The following DNAAF8 variants were observed in gnomAD, a reference collection of about 807,000 sequenced individuals.
DNAAF8 encodes dynein axonemal assembly factor 8.
A neutral mutation model predicts 54.6 loss-of-function variants in DNAAF8; 61 were observed. The observed-to-expected ratio is 1.12, with a 90% CI of 0.91 to 1.38. The LOEUF (loss-of-function observed/expected upper bound fraction) is 1.38, where lower values mean the gene tolerates loss of function less well. Among genes scored for constraint, DNAAF8 ranks in the 40% most tolerant of loss-of-function variants. The pLI, the probability that DNAAF8 is intolerant of heterozygous loss-of-function variation, is 0.00. For missense variants in DNAAF8, 837 were observed against 665.0 expected (o/e 1.26, Z -2.85); for synonymous variants, 320 against 270.1 (o/e 1.18, Z -1.81).
Position 4,748,978 on chromosome 16 carries a change from T to C in DNAAF8, c.*263T>C, listed in dbSNP as rs1212008838. The C allele has an allele frequency of 6.6e-6, 1 of 152,304 alleles. No individual in the cohort carries two copies. The highest frequency in any genetic ancestry group is 1.5e-5 in the Non-Finnish European group (1 of 68,076). 9.4% of individuals were successfully genotyped at this position (152,304 alleles called of 1,614,324 possible). On this transcript the variant is annotated 3_prime_UTR_variant, in exon 10 of 10. Transcript: ENST00000299320. ...TGGCCGCCAAGATCAGGGCTACAGATGTCTGCTCTCTGGACCCCACGTGAT... is the reference window on the plus strand; with the variant it reads ...TGGCCGCCAAGATCAGGGCTACAGACGTCTGCTCTCTGGACCCCACGTGAT...
intron 3 of DNAAF8, among the ~76,000 whole-genome samples, chr16:4,739,262 C>CTTTTTTTTTTTTTTTTTTTTTTT (rs1596482355): frequency 8.3e-5 from 3 of 36,238 alleles, no homozygotes; most frequent in South Asian, 8.9e-4. Flanking sequence ...ATGATTTTTT[C>CTTTTTTTTTTTTTTTTTTTTTTT]TTGTTTTTTT....
At chr16:4,744,631 C>A (rs939556756) in intron 5 of DNAAF8, among the ~76,000 whole-genome samples, 1 of 90,196 alleles carries the variant, frequency 1.1e-5, no homozygotes, top group African/African-American at 3.4e-5. Context: ...TACGTCACTC[C>A]TACTTCACCA....
At chr16:4,746,214 G>C (rs1250428954) in intron 6 of DNAAF8, 161 bp from the exon 7 acceptor site, 4 of 743,330 alleles carry the variant, frequency 5.4e-6, no homozygotes, top group African/African-American at 1.8e-5. Flanking sequence ...CTCGCATGCT[G>C]TTCTGAAGAG....
chr16:4,747,247 G>A (rs1191824241), intron 8 of DNAAF8, 96 bp from the exon 9 acceptor site: 69 of 1,419,228 alleles, frequency 4.9e-5, no homozygotes, highest in Non-Finnish European at 6.5e-5. Flanking sequence ...TCTGAAATGG[G>A]AGCTGGGCTC....
intron 6 of DNAAF8, 188 bp from the exon 7 acceptor site, chr16:4,746,187 C>T: frequency 1.8e-6 from 1 of 569,404 alleles, no homozygotes; most frequent in Non-Finnish European, 3.0e-6. Flanking sequence ...GTTCTGTTGG[C>T]CAGTGGTGGC....
chr16:4,744,943 C>G lies in DNAAF8; in HGVS notation c.975C>G (p.Ala325=). ...TCCTGTGCACCACGCAGTCCAAGGC[C>G]TCTGCTTGTGCCCGGAAGGTGCCTG... ...LALLCTTQSK[A]SACARKVPAD... Residue 325 remains alanine (A), a synonymous_variant, in exon 6 of 10, where the codon GCC becomes GCG. Transcript: ENST00000299320. The G allele has an allele frequency of 1.2e-6, 2 of 1,613,958 alleles. No individual in the cohort carries two copies. The highest frequency in any genetic ancestry group is 1.7e-6 in the Non-Finnish European group (2 of 1,179,996).
rs375626582 is a variant in DNAAF8, at chr16:4,736,527, G to T, written c.13G>T (p.Asp5Tyr). The change falls in exon 2 of 10, where the codon GAT becomes TAT. Residue 5 changes from aspartate to tyrosine, a missense_variant. By Grantham distance (160) the Asp-to-Tyr change is radical. Coordinates refer to ENST00000299320, the MANE Select transcript of DNAAF8 (RefSeq NM_139170.3). The part of the protein sequence containing the change: MASN[D>Y]KGMAPSLGSP... ...AGCCTGGGCCCTCATGGCATCCAACGATAAAGGCATGGCACCCTCGCTGGG... is the reference window on the plus strand; with the variant it reads ...AGCCTGGGCCCTCATGGCATCCAACTATAAAGGCATGGCACCCTCGCTGGG... The T allele has an allele frequency of 1.3e-6, 2 of 1,555,546 alleles. No individual in the cohort carries two copies. The highest frequency in any genetic ancestry group is 2.4e-5 in the East Asian group (1 of 42,384).
chr16:4,747,132 C>G (rs2082027786), intron 8 of DNAAF8, 107 bp downstream of exon 8: 1 of 1,248,254 alleles, frequency 8.0e-7, no homozygotes, highest in Non-Finnish European at 1.1e-6. Flanking sequence ...CTTGCTGCAC[C>G]CACCGCACAG....
rs35113323 is a variant in DNAAF8, at chr16:4,739,265, G to GTTTTTTTTT, written c.277-875_277-867dup. 5.1e-3 allele frequency among the ~76,000 whole-genome samples: 354 copies of GTTTTTTTTT among 69,008 alleles called. 30 individuals carry two copies. Among genetic ancestry groups the GTTTTTTTTT allele is most frequent in the African/African-American group, 0.011 (200 of 18,454 alleles). The allele number at this position is 69,008 out of a possible 152,430, so 45.3% of individuals were successfully genotyped here. A position where few individuals can be genotyped will look rare whatever the true frequency, so the allele number is the denominator to read the frequency against. On this transcript the variant is annotated intron_variant, in intron 3 of 9. Coordinates refer to ENST00000299320, the MANE Select transcript of DNAAF8 (RefSeq NM_139170.3). ...AAACTCTTCTGGATGATTTTTTCTT[G>GTTTTTTTTT]TTTTTTTTTTTTTTTTTTTTTGTAA...
At position 4,747,650 on chromosome 16, in the gene DNAAF8, G is replaced by T. The variant is rs572416705; in HGVS notation, c.*9+16G>T. On this transcript the variant is annotated intron_variant, in intron 9 of 9. Transcript: ENST00000299320. ...GCTGCCTCAGGTAGTGGGATCCCAGGAGTGGGCAGGGGCGGGCTGACTTGC... is the reference window on the plus strand; with the variant it reads ...GCTGCCTCAGGTAGTGGGATCCCAGTAGTGGGCAGGGGCGGGCTGACTTGC... The T allele has an allele frequency of 8.2e-6, 13 of 1,586,814 alleles. No homozygotes were observed. The highest frequency in any genetic ancestry group is 7.8e-5 in the South Asian group (7 of 89,354).
At chr16:4,738,062 T>C (rs1220569288) in intron 3 of DNAAF8, 116 bp downstream of exon 3, 10 of 1,304,342 alleles carry the variant, frequency 7.7e-6, no homozygotes, top group Admixed American at 5.3e-5. Context: ...TCCTTTTTTT[T>C]TTCCCCCATG....
chr16:4,744,932 C>G lies in DNAAF8; in HGVS notation c.964C>G (p.Gln322Glu). ...ACAGCTGGCCCTCCTGTGCACCACG[C>G]AGTCCAAGGCCTCTGCTTGTGCCCG... ...MEQLALLCTT[Q>E]SKASACARKV... Residue 322 changes from glutamine (Q) to glutamate (E), a missense_variant, in exon 6 of 10, where the codon CAG (glutamine) becomes GAG (glutamate). By Grantham distance (29) the Gln-to-Glu change is conservative (BLOSUM62 2). Coordinates refer to ENST00000299320, the MANE Select transcript of DNAAF8 (RefSeq NM_139170.3). 3 of 1,613,914 alleles carry G rather than the reference C, an allele frequency of 1.9e-6. No individual in the cohort carries two copies. The highest frequency in any genetic ancestry group is 2.5e-6 in the Non-Finnish European group (3 of 1,179,946).
intron 6 of DNAAF8, chr16:4,746,122 T>C (rs76346188): frequency 0.021 from 8,819 of 414,966 alleles, 145 homozygotes; most frequent in Non-Finnish European, 0.029. Context: ...ACTTAGCCAC[T>C]TGTGCCAAGT....
rs536351399 is a variant in DNAAF8 at position 4,742,283 on chromosome 16, G to A, written c.784-760G>A. 3.9e-5 allele frequency among the ~76,000 whole-genome samples: 6 copies of A among 152,184 alleles called. No homozygotes were observed. In the East Asian group the frequency reaches 9.7e-4, roughly 24 times the overall value. On this transcript the variant is annotated intron_variant, in intron 4 of 9. Transcript: ENST00000299320. Reference sequence around the variant, plus strand: ...AACAACACAGGGTTTGGCTGGGCTCGGTGGCTTATGCCTGTAATCACAACA... The same window carrying A: ...AACAACACAGGGTTTGGCTGGGCTCAGTGGCTTATGCCTGTAATCACAACA...
At chr16:4,734,906 C>G (rs1158282524) in intron 1 of DNAAF8, 1 of 152,128 alleles carries the variant, frequency 6.6e-6, no homozygotes, top group Non-Finnish European at 1.5e-5. Flanking sequence ...GCTCTGAGAA[C>G]CGGGGCGGGG....
intron 2 of DNAAF8, 70 bp from the exon 3 acceptor site, chr16:4,737,730 C>A: frequency 6.5e-7 from 1 of 1,547,286 alleles, no homozygotes; most frequent in Non-Finnish European, 8.9e-7. Flanking sequence ...GAGTGGAGAG[C>A]GGGGGTGGCT....
At chr16:4,740,750 G>A in intron 4 of DNAAF8, 91 bp downstream of exon 4, 4 of 1,418,776 alleles carry the variant, frequency 2.8e-6, no homozygotes, top group Non-Finnish European at 3.8e-6. Context: ...AGCAGCTTGA[G>A]GGCTGGCCCA....
Position 4,747,480 on chromosome 16 carries a change from C to G in DNAAF8, c.1418C>G (p.Thr473Ser), listed in dbSNP as rs772381788. 1.9e-6 allele frequency: 3 copies of G among 1,613,176 alleles called. No individual in the cohort carries two copies. The highest frequency in any genetic ancestry group is 2.2e-5 in the East Asian group (1 of 44,890). Residue 473 changes from threonine (T) to serine (S), a missense_variant, in exon 9 of 10, where the codon ACT (threonine) becomes AGT (serine). Thr to Ser is a moderately conservative substitution (Grantham distance 58, BLOSUM62 1). Coordinates refer to ENST00000299320, the MANE Select transcript of DNAAF8 (RefSeq NM_139170.3). ...CCTGAAGACACAGCTGGATCACGAA[C>G]TGGGAGGAAGCAACACATGAAGCTC... ...QAPEDTAGSR[T>S]GRKQHMKLCA...
At chr16:4,742,284 G>A (rs754583586) in intron 4 of DNAAF8, among the ~76,000 whole-genome samples, 1 of 152,114 alleles carries the variant, frequency 6.6e-6, no homozygotes, top group Non-Finnish European at 1.5e-5. Context: ...GCTGGGCTCG[G>A]TGGCTTATGC....
Sources: allele counts gnomAD v4.1 joint callset (sites outside exome capture counted in the v4.1 genomes callset), GRCh38; gene constraint gnomAD v4.1.1; transcripts MANE v1.5; gene names NCBI Gene and HGNC (gene_info 2026-07-23, HGNC 2026-07-21).